The following KAZN variants were observed in gnomAD, a reference collection of about 807,000 sequenced individuals.
KAZN encodes kazrin, periplakin interacting protein.
Under a neutral mutation model 87.4 loss-of-function variants are expected in KAZN, and 40 were observed. The ratio of observed to expected loss-of-function variants is 0.46; its 90% confidence interval spans 0.36 to 0.60. The LOEUF is 0.60. Among genes scored for constraint, KAZN ranks in the 20% least tolerant of loss-of-function variants. The probability of loss-of-function intolerance (pLI) is 0.00; values close to 1 mark genes in which losing one functional copy is unlikely to be tolerated. For missense variants in KAZN, 898 were observed against 1,073.9 expected (o/e 0.84, Z 2.29); for synonymous variants, 466 against 458.3 (o/e 1.02, Z -0.22).
At chr1:14,564,394 T>C (rs1483131810) in intron 2 of KAZN, among the ~76,000 whole-genome samples, 1 of 152,244 alleles carries the variant, frequency 6.6e-6, no homozygotes, top group South Asian at 2.1e-4. Flanking sequence ...ACTCAATAAG[T>C]GGGCAGCACT....
chr1:14,380,053 T>C (rs1007843175), intron 2 of KAZN, among the ~76,000 whole-genome samples: 4 of 152,152 alleles, frequency 2.6e-5, no homozygotes, highest in African/African-American at 9.7e-5. Flanking sequence ...TGAGAGAACA[T>C]AATGGAAAAG....
chr1:13,964,872 C>G (rs1173720547), intron 1 of KAZN, among the ~76,000 whole-genome samples: 1 of 152,198 alleles, frequency 6.6e-6, no homozygotes, highest in Non-Finnish European at 1.5e-5. Flanking sequence ...CAGCATTAAA[C>G]AGGCTGGCAG....
At chr1:14,020,392 A>G (rs1002747920) in intron 1 of KAZN, among the ~76,000 whole-genome samples, 5 of 151,658 alleles carry the variant, frequency 3.3e-5, no homozygotes, top group African/African-American at 1.2e-4. Flanking sequence ...CTAGATGATC[A>G]CTCTCTTTTT....
chr1:14,167,101 A>G (rs1645844214), intron 1 of KAZN, among the ~76,000 whole-genome samples: 1 of 152,260 alleles, frequency 6.6e-6, no homozygotes, highest in South Asian at 2.1e-4. Flanking sequence ...AACTGGACCC[A>G]TCTAACTGGG....
chr1:14,601,631 C>A (rs1322838028), intron 1 of KAZN, among the ~76,000 whole-genome samples: 3 of 152,174 alleles, frequency 2.0e-5, no homozygotes, highest in Non-Finnish European at 4.4e-5. Flanking sequence ...TGATTGGGTT[C>A]CACTTGATTC....
At chr1:14,831,354 G>GCTGCTGCTT (rs1285251901) in intron 1 of KAZN, among the ~76,000 whole-genome samples, 4 of 152,294 alleles carry the variant, frequency 2.6e-5, no homozygotes, top group East Asian at 3.9e-4. Context: ...TGCTGCTGCT[G>GCTGCTGCTT]CTGCTGCTTC....
chr1:13,906,522 C>A (rs1263047078), intron 1 of KAZN, among the ~76,000 whole-genome samples: 1 of 152,142 alleles, frequency 6.6e-6, no homozygotes, highest in African/African-American at 2.4e-5. Flanking sequence ...CTGGGCTGGA[C>A]CGGCCCAGGT....
chr1:14,401,963 C>T (rs1478587732), intron 2 of KAZN, among the ~76,000 whole-genome samples: 1 of 151,930 alleles, frequency 6.6e-6, no homozygotes, highest in Non-Finnish European at 1.5e-5. Context: ...CCTGCTATCA[C>T]ATCTATTATC....
intron 1 of KAZN, among the ~76,000 whole-genome samples, chr1:14,064,773 G>A (rs1244747578): frequency 5.3e-5 from 8 of 152,176 alleles, no homozygotes; most frequent in Admixed American, 5.2e-4. Flanking sequence ...GGACGCTCAG[G>A]TGACTGTGCT....
intron 1 of KAZN, among the ~76,000 whole-genome samples, chr1:13,935,272 C>A (rs1166287055): frequency 1.0e-4 from 4 of 38,512 alleles, no homozygotes; most frequent in Non-Finnish European, 2.3e-4. Context: ...TAATAATAAG[C>A]CTTCAGTACT....
intron 2 of KAZN, among the ~76,000 whole-genome samples, chr1:14,997,609 G>A (rs1668029315): frequency 6.6e-6 from 1 of 152,182 alleles, no homozygotes; most frequent in Non-Finnish European, 1.5e-5. Flanking sequence ...GACGGTGTCT[G>A]ATGTATCCCC....
intron 1 of KAZN, among the ~76,000 whole-genome samples, chr1:13,895,272 G>C (rs922668234): frequency 5.3e-5 from 8 of 152,102 alleles, no homozygotes; most frequent in African/African-American, 1.7e-4. Flanking sequence ...ATTTTATCTG[G>C]AATGGATTAG....
intron 1 of KAZN, among the ~76,000 whole-genome samples, chr1:13,917,352 G>T (rs1351087980): frequency 2.0e-5 from 3 of 152,314 alleles, no homozygotes; most frequent in East Asian, 3.9e-4. Flanking sequence ...ATGCCATTTA[G>T]GACTTACATA....
chr1:14,556,705 A>G (rs1336295072), intron 2 of KAZN, among the ~76,000 whole-genome samples: 1 of 152,116 alleles, frequency 6.6e-6, no homozygotes, highest in African/African-American at 2.4e-5. Context: ...GCCTCTTATC[A>G]TTACCATAAC....
chr1:14,194,823 T>A (rs1361263105), intron 2 of KAZN, among the ~76,000 whole-genome samples: 1 of 152,052 alleles, frequency 6.6e-6, no homozygotes, highest in Non-Finnish European at 1.5e-5. Flanking sequence ...GAGGAGTGAA[T>A]CTGGAGTAGT....
At chr1:14,229,621 A>C (rs1332684078) in intron 2 of KAZN, among the ~76,000 whole-genome samples, 1 of 152,238 alleles carries the variant, frequency 6.6e-6, no homozygotes, top group Non-Finnish European at 1.5e-5. Flanking sequence ...CAAATACGAA[A>C]ATCTTATTCA....
In KAZN at chr1:15,115,645, A is replaced by G. The variant is rs965074194; in HGVS notation, c.*1010A>G. 29 of 152,186 alleles carry G rather than the reference A, an allele frequency of 1.9e-4. No homozygotes were observed. Among genetic ancestry groups the G allele is most frequent in the African/African-American group, 7.0e-4 (29 of 41,422 alleles). 9.4% of individuals were successfully genotyped at this position (152,186 alleles called of 1,614,324 possible). A position where few individuals can be genotyped will look rare whatever the true frequency, so the allele number is the denominator to read the frequency against. Reference sequence around the variant, plus strand: ...AGCTCACCAATGTCCTAACCGAGACACAAACTCCACAGAGCAAAATCATTT... The same window carrying G: ...AGCTCACCAATGTCCTAACCGAGACGCAAACTCCACAGAGCAAAATCATTT... On this transcript the variant is annotated 3_prime_UTR_variant, in exon 15 of 15. Transcript: ENST00000376030. The surrounding 1 kb of genome is among the most constrained non-coding windows in gnomAD (Gnocchi z 4.1).
At chr1:14,333,001 A>G (rs113015410) in intron 2 of KAZN, among the ~76,000 whole-genome samples, 2,344 of 152,228 alleles carry the variant, frequency 0.015, 62 homozygotes, top group African/African-American at 0.054. Flanking sequence ...TAAGCCCAGC[A>G]TGCATTAGCT....
chr1:15,071,688 G>A (rs1024636185), intron 8 of KAZN, among the ~76,000 whole-genome samples: 2 of 152,182 alleles, frequency 1.3e-5, no homozygotes, highest in African/African-American at 4.8e-5. Context: ...ATCCCAACAG[G>A]ATTGATCCAA....
Sources: allele counts gnomAD v4.1 joint callset (sites outside exome capture counted in the v4.1 genomes callset), GRCh38; gene constraint gnomAD v4.1.1; non-coding constraint Gnocchi (gnomAD v3.1); transcripts MANE v1.5; gene names NCBI Gene and HGNC (gene_info 2026-07-23, HGNC 2026-07-21).